Variants in VPS13D observed in about 807,000 individuals in gnomAD.
The protein encoded by VPS13D is intermembrane lipid transfer protein VPS13D.
In VPS13D, 187 loss-of-function variants were observed where a neutral mutation model predicts 461.9. The ratio of observed to expected loss-of-function variants is 0.40; its 90% CI spans 0.36 to 0.46. VPS13D has a LOEUF of 0.46. Among genes scored for constraint, VPS13D ranks in the 20% least tolerant of loss-of-function variants. The pLI is 0.60. For synonymous variants in VPS13D, 1,951 were observed against 1,986.3 expected (o/e 0.98, Z 0.47); for missense variants, 4,711 against 5,364.9 (o/e 0.88, Z 3.81).
chr1:12,383,999 A>C (rs1438324737), intron 58 of VPS13D, among the ~76,000 whole-genome samples: 1 of 152,190 alleles, frequency 6.6e-6, no homozygotes, highest in Non-Finnish European at 1.5e-5. Context: ...ATACTAAAGA[A>C]TTTGTGGTTT....
At position 12,356,096 on chromosome 1, in the gene VPS13D, T is replaced by G. The variant is rs753554207; in HGVS notation, c.9871+6T>G. On this transcript the variant is annotated splice_donor_region_variant and intron_variant, in intron 48 of 69. Coordinates refer to ENST00000620676, the MANE Select transcript of VPS13D (RefSeq NM_015378.4). ...TTGGCTGATTAACAAAACAGGTACA[T>G]ACAGGGGCTGCTCAAGTAGGTCTTT... The G allele has an allele frequency of 1.3e-6, 2 of 1,594,614 alleles. No individual in the cohort carries two copies. Among genetic ancestry groups the G allele is most frequent in the Non-Finnish European group, 1.7e-6 (2 of 1,167,994 alleles).
chr1:12,333,166 G>A, intron 37 of VPS13D, 60 bp from the exon 38 acceptor site: 1 of 1,562,402 alleles, frequency 6.4e-7, no homozygotes, highest in Non-Finnish European at 8.7e-7. Flanking sequence ...TGCGAGCAGT[G>A]TTCCCCTATA....
At chr1:12,484,321 A>G (rs1645766942) in intron 67 of VPS13D, among the ~76,000 whole-genome samples, 1 of 152,202 alleles carries the variant, frequency 6.6e-6, no homozygotes, top group Non-Finnish European at 1.5e-5. Flanking sequence ...TACATGGGCT[A>G]GGTTTCCTAC....
At position 12,257,069 on chromosome 1, in the gene VPS13D, A is replaced by G; in HGVS notation, c.923A>G (p.Lys308Arg). 2 of 1,614,176 alleles carry G rather than the reference A, an allele frequency of 1.2e-6. No homozygotes were observed. The highest frequency in any genetic ancestry group is 1.7e-6 in the Non-Finnish European group (2 of 1,180,014). Reference sequence around the variant, plus strand: ...GTGAAGTTCCGAAGGTGGAAACCCAAGGTGGCGATATCTAAGAAGTAAGGG... The same window carrying G: ...GTGAAGTTCCGAAGGTGGAAACCCAGGGTGGCGATATCTAAGAAGTAAGGG... ...RQVKFRRWKP[K>R]VAISKNCREW... Residue 308 changes from lysine (K) to arginine (R), a missense_variant, in exon 9 of 70, where the codon AAG becomes AGG. Lys to Arg is a conservative substitution (Grantham distance 26). Around this residue, in one of 3 missense-constraint regions of VPS13D, gnomAD observed 4,411 missense variants for 4,937.8 expected, o/e 0.89. Transcript: ENST00000620676.
intron 23 of VPS13D, among the ~76,000 whole-genome samples, chr1:12,292,262 CAAAAAAAA>C (rs766212937): frequency 8.2e-5 from 1 of 12,244 alleles, no homozygotes; most frequent in African/African-American, 3.5e-4. Context: ...AACTCCATCT[CAAAAAAAA>C]AAAAAAAAAA....
At chr1:12,312,888 T>G (rs1351463814) in intron 29 of VPS13D, among the ~76,000 whole-genome samples, 1 of 152,206 alleles carries the variant, frequency 6.6e-6, no homozygotes, top group Non-Finnish European at 1.5e-5. Context: ...TAGCAATTGC[T>G]CCCTTGAAAT....
chr1:12,455,367 A>G (rs1390186369), intron 65 of VPS13D, among the ~76,000 whole-genome samples: 4 of 152,212 alleles, frequency 2.6e-5, no homozygotes, highest in Admixed American at 2.0e-4. Flanking sequence ...CAAAGAGCCT[A>G]TGTTCTTACC....
At chr1:12,317,310 G>C (rs1642916459) in intron 30 of VPS13D, among the ~76,000 whole-genome samples, 1 of 151,988 alleles carries the variant, frequency 6.6e-6, no homozygotes, top group Non-Finnish European at 1.5e-5. Context: ...TTTATAAGTA[G>C]GGAAACAGGC....
intron 40 of VPS13D, 45 bp from the exon 41 acceptor site, chr1:12,341,735 T>C (rs2101575925): frequency 2.5e-6 from 4 of 1,576,994 alleles, no homozygotes; most frequent in Middle Eastern, 1.9e-4. Flanking sequence ...GTCTCTGCCA[T>C]GCAGATAGGG....
intron 25 of VPS13D, among the ~76,000 whole-genome samples, chr1:12,301,765 C>T (rs1446969852): frequency 6.6e-6 from 1 of 152,184 alleles, no homozygotes; most frequent in Non-Finnish European, 1.5e-5. Context: ...CCTGTACTTC[C>T]AGCAACCCCC....
chr1:12,278,446 TG>T (rs1641681867), intron 19 of VPS13D, among the ~76,000 whole-genome samples: 2 of 152,266 alleles, frequency 1.3e-5, no homozygotes, highest in Non-Finnish European at 2.9e-5. Flanking sequence ...GGCTAATTTT[TG>T]TATTTTTAGT....
At chr1:12,497,745 C>A in intron 68 of VPS13D, 114 bp downstream of exon 68, 1 of 1,293,434 alleles carries the variant, frequency 7.7e-7, no homozygotes, top group Non-Finnish European at 1.0e-6. Flanking sequence ...GACCTTAGAT[C>A]TGGTCAAAGA....
chr1:12,305,940 A>G (rs910364247), intron 26 of VPS13D, among the ~76,000 whole-genome samples: 5 of 152,022 alleles, frequency 3.3e-5, no homozygotes, highest in Non-Finnish European at 7.4e-5. Flanking sequence ...TTTTGTTCAC[A>G]TTACACTCCT....
In VPS13D at chr1:12,349,308, C is replaced by T; in HGVS notation, c.9365C>T (p.Thr3122Ile). ...APIHWTNVVK[T>I]AEISSSKREC... is the part of the protein sequence containing the mutation. ...ATTCATTGGACCAATGTAGTGAAGACTGCAGAAATTAGTAGCAGTAAACGA... is the reference window on the plus strand; with the variant it reads ...ATTCATTGGACCAATGTAGTGAAGATTGCAGAAATTAGTAGCAGTAAACGA... Residue 3122 changes from threonine to isoleucine, a missense_variant, in exon 46 of 70, where the codon ACT becomes ATT. Physicochemically the swap from Thr to Ile is moderately conservative, Grantham distance 89. Around this residue, in one of 3 missense-constraint regions of VPS13D, gnomAD observed 4,411 missense variants for 4,937.8 expected, o/e 0.89. Transcript: ENST00000620676. 2 of 1,614,110 alleles carry T rather than the reference C, an allele frequency of 1.2e-6. No homozygotes were observed. The highest frequency in any genetic ancestry group is 1.7e-6 in the Non-Finnish European group (2 of 1,180,044).
In VPS13D at chr1:12,232,449, A is replaced by G. The variant is rs1020374026; in HGVS notation, c.-76-1742A>G. On this transcript the variant is annotated intron_variant, in intron 1 of 69. Coordinates refer to ENST00000620676, the MANE Select transcript of VPS13D (RefSeq NM_015378.4). ...AGGATCCTGAAAGTAGGCTGGCTCC[A>G]GTGGGATGCGTGCCATGGCAAGTCT... Among the ~76,000 whole-genome samples, 35 of 152,108 alleles carry G rather than the reference A, an allele frequency of 2.3e-4. 1 individual carries two copies. The highest frequency in any genetic ancestry group is 2.0e-4 in the Admixed American group (3 of 15,254).
At chr1:12,383,879 G>A (rs915717577) in intron 58 of VPS13D, among the ~76,000 whole-genome samples, 1 of 152,196 alleles carries the variant, frequency 6.6e-6, no homozygotes, top group Non-Finnish European at 1.5e-5. Flanking sequence ...GTTGACTAGT[G>A]AAGGCCCACA....
At chr1:12,334,659 G>A (rs900213381) in intron 38 of VPS13D, among the ~76,000 whole-genome samples, 1 of 152,192 alleles carries the variant, frequency 6.6e-6, no homozygotes, top group African/African-American at 2.4e-5. Context: ...CAGCTACTCA[G>A]GAGGCTGAGG....
intron 35 of VPS13D, among the ~76,000 whole-genome samples, chr1:12,326,934 C>T (rs752852609): frequency 6.6e-6 from 1 of 152,116 alleles, no homozygotes; most frequent in Non-Finnish European, 1.5e-5. Flanking sequence ...TGAGCCACTG[C>T]ACCCGACCAG....
intron 29 of VPS13D, 128 bp downstream of exon 29, chr1:12,312,053 T>TA: frequency 1.2e-5 from 7 of 598,934 alleles, no homozygotes; most frequent in South Asian, 6.8e-5. Flanking sequence ...CAGAGTGTCT[T>TA]TTGGTTGATC....
Sources: allele counts gnomAD v4.1 joint callset (sites outside exome capture counted in the v4.1 genomes callset), GRCh38; gene constraint gnomAD v4.1.1; regional missense constraint gnomAD v4.1.1; transcripts MANE v1.5; gene names NCBI Gene and HGNC (gene_info 2026-07-23, HGNC 2026-07-21).